Variants in ERG observed in about 807,000 individuals in gnomAD.
ERG encodes the protein ETS transcription factor ERG, also known as transcriptional regulator ERG.
A neutral mutation model predicts 55.3 loss-of-function variants in ERG; 9 were observed. The observed-to-expected ratio is 0.16, with a 90% confidence interval of 0.10 to 0.28. The LOEUF is 0.28. Among genes scored for constraint, ERG ranks in the 10% least tolerant of loss-of-function variants. The pLI is 1.00. For missense variants in ERG, 434 were observed against 631.6 expected (o/e 0.69, Z 3.35); for synonymous variants, 223 against 237.3 (o/e 0.94, Z 0.55).
At position 38,494,306 on chromosome 21, in the gene ERG, GGAACAGCCTGGA is replaced by G. The variant is rs2059362729; in HGVS notation, c.18+4045_18+4056del. On this transcript the variant is annotated intron_variant, in intron 1 of 9. Coordinates refer to ENST00000288319, the MANE Select transcript of ERG (RefSeq NM_182918.4). ...AGAGCACAGTGTGCTACCAAACGCT[GGAACAGCCTGGA>G]GACTGTCCCTGTCTCTTCTCTGAGG... Among the ~76,000 whole-genome samples, 3 of 152,212 alleles carry G rather than the reference GGAACAGCCTGGA, an allele frequency of 2.0e-5. No individual in the cohort carries two copies. The South Asian group carries it at 6.2e-4, about 32-fold the overall frequency.
intron 6 of ERG, among the ~76,000 whole-genome samples, chr21:38,392,782 T>C (rs1988037529): frequency 6.6e-6 from 1 of 152,232 alleles, no homozygotes; most frequent in African/African-American, 2.4e-5. Flanking sequence ...GATCTACATC[T>C]GTCTCTTTAT....
chr21:38,506,159 A>T (rs1164731379), intron 2 of ERG, among the ~76,000 whole-genome samples: 1 of 152,180 alleles, frequency 6.6e-6, no homozygotes, highest in Admixed American at 6.5e-5. Context: ...GTCCATGGAA[A>T]TTGTATAATT....
Position 38,393,920 on chromosome 21 carries a change from C to T in ERG, c.746-1476G>A, listed in dbSNP as rs16996248. Among the ~76,000 whole-genome samples the T allele has an allele frequency of 7.1e-3, 1,086 of 152,308 alleles. 6 individuals are homozygous for T. The highest frequency in any genetic ancestry group is 0.024 in the African/African-American group (1,017 of 41,566). ...GTAAATCTTTTCCCACCCAGATCCT[C>T]AGATTTTCACATCTCTTGTGTTGGG... On this transcript the variant is annotated intron_variant, in intron 6 of 9. Coordinates refer to ENST00000288319, the MANE Select transcript of ERG (RefSeq NM_182918.4).
chr21:38,492,062 T>G (rs2059341044), intron 1 of ERG, among the ~76,000 whole-genome samples: 1 of 77,190 alleles, frequency 1.3e-5, no homozygotes, highest in Admixed American at 1.6e-4. Flanking sequence ...TAACACTTAA[T>G]ACATCATGTT....
In ERG at chr21:38,383,964, AG is replaced by A. The variant is rs779110401; in HGVS notation, c.920-42del. The stretch of plus-strand genomic sequence containing the variant: ...GAGGAAGGAAAACTCCAGTGAGCAC[AG>A]GTTCCAGGGGAAAGAGGCTCTCTGT... On this transcript the variant is annotated intron_variant, in intron 9 of 9. Transcript: ENST00000288319. The surrounding 1 kb of genome is among the most constrained non-coding windows in gnomAD (Gnocchi z 5.7). 1 of 1,576,552 alleles carries A rather than the reference AG, an allele frequency of 6.3e-7. No homozygotes were observed. Among genetic ancestry groups the A allele is most frequent in the South Asian group, 1.2e-5 (1 of 86,208 alleles).
At chr21:38,553,441 A>T (rs1244592914) in intron 2 of ERG, among the ~76,000 whole-genome samples, 1 of 152,208 alleles carries the variant, frequency 6.6e-6, no homozygotes, top group East Asian at 1.9e-4. Flanking sequence ...CTATGCCATA[A>T]GGCCACAGTA....
At position 38,391,677 on chromosome 21, in the gene ERG, C is replaced by G. The variant is rs1987978654; in HGVS notation, c.853G>C (p.Asp285His). The change falls in exon 8 of 10, where the codon GAC becomes CAC. Residue 285 changes from aspartate to histidine, a missense_variant. Around this residue, in one of 5 missense-constraint regions of ERG, gnomAD observed 99 missense variants for 145.6 expected, o/e 0.68. Transcript: ENST00000288319. ...PSPSTVPKTE[D>H]QRPQLDPYQI... ...AACATACCTAACTGAGGACGCTGGT[C>G]TTCAGTTTTGGGCACTGTGGAAGGA... 1 of 1,613,894 alleles carries G rather than the reference C, an allele frequency of 6.2e-7. No individual in the cohort carries two copies. The highest frequency in any genetic ancestry group is 1.1e-5 in the South Asian group (1 of 91,018).
intron 1 of ERG, among the ~76,000 whole-genome samples, chr21:38,639,117 TA>T (rs1258882947): frequency 6.6e-6 from 1 of 152,180 alleles, no homozygotes; most frequent in African/African-American, 2.4e-5. Context: ...GAGAAAGAGC[TA>T]CTTAGACAGT....
At chr21:38,487,821 A>G (rs2059300409) in intron 1 of ERG, among the ~76,000 whole-genome samples, 1 of 152,256 alleles carries the variant, frequency 6.6e-6, no homozygotes, top group Non-Finnish European at 1.5e-5. Flanking sequence ...TCTTCCAACA[A>G]GATAAGCAAA....
intron 2 of ERG, among the ~76,000 whole-genome samples, chr21:38,436,637 T>G (rs1024181819): frequency 6.6e-6 from 1 of 152,242 alleles, no homozygotes; most frequent in Non-Finnish European, 1.5e-5. Flanking sequence ...TAATGTCATC[T>G]CATAGATGTT....
At chr21:38,593,499 T>C (rs2060113617) in intron 1 of ERG, among the ~76,000 whole-genome samples, 1 of 152,196 alleles carries the variant, frequency 6.6e-6, no homozygotes, top group South Asian at 2.1e-4. Flanking sequence ...AATCTTGAAG[T>C]CTGTTTTAGA....
intron 6 of ERG, among the ~76,000 whole-genome samples, chr21:38,397,185 G>A (rs1339217220): frequency 6.6e-6 from 1 of 152,126 alleles, no homozygotes; most frequent in Non-Finnish European, 1.5e-5. Flanking sequence ...GAACGGCCTC[G>A]GCCAATTGTG....
intron 2 of ERG, among the ~76,000 whole-genome samples, chr21:38,521,172 A>G (rs989077790): frequency 3.3e-5 from 5 of 152,176 alleles, no homozygotes; most frequent in Non-Finnish European, 7.3e-5. Flanking sequence ...TCAGAGATTC[A>G]TGGACACAAC....
At chr21:38,569,520 G>A (rs1004404326) in intron 2 of ERG, among the ~76,000 whole-genome samples, 1 of 152,202 alleles carries the variant, frequency 6.6e-6, no homozygotes, top group Non-Finnish European at 1.5e-5. Flanking sequence ...ACTTCACTAT[G>A]AGCCACCTAA....
chr21:38,387,990 G>A (rs965919959), intron 9 of ERG, among the ~76,000 whole-genome samples: 1 of 152,214 alleles, frequency 6.6e-6, no homozygotes, highest in Non-Finnish European at 1.5e-5. Context: ...CCTGGTTTAT[G>A]CACACCTCTG....
At chr21:38,414,808 C>T (rs1698060748) in intron 3 of ERG, among the ~76,000 whole-genome samples, 1 of 116,016 alleles carries the variant, frequency 8.6e-6, no homozygotes, top group South Asian at 2.7e-4. Context: ...CTGAAATCAC[C>T]TATTTTAAAC....
chr21:38,417,908 T>C (rs1315775266), intron 3 of ERG, among the ~76,000 whole-genome samples: 1 of 152,186 alleles, frequency 6.6e-6, no homozygotes, highest in Admixed American at 6.5e-5. Context: ...TTTGCAACTT[T>C]TAAGAAGTGA....
At chr21:38,554,979 T>C (rs1568909102) in intron 2 of ERG, among the ~76,000 whole-genome samples, 1 of 152,080 alleles carries the variant, frequency 6.6e-6, no homozygotes. Flanking sequence ...GAACAGCCTC[T>C]GTCAGGATGA....
At chr21:38,616,023 C>T (rs867524550) in intron 1 of ERG, among the ~76,000 whole-genome samples, 5 of 152,094 alleles carry the variant, frequency 3.3e-5, no homozygotes, top group Middle Eastern at 3.2e-3. Context: ...GTAAACCCCA[C>T]GTGTCAAGAA....
Sources: gnomAD v4.1 joint callset for allele counts (sites outside exome capture counted in the v4.1 genomes callset) on GRCh38, gnomAD v4.1.1 for gene constraint, gnomAD v4.1.1 regional missense constraint, Gnocchi (gnomAD v3.1) non-coding constraint, MANE v1.5 for transcripts, NCBI Gene and HGNC (gene_info 2026-07-23, HGNC 2026-07-21) for gene names.